Variants in LOC400499 observed in about 807,000 individuals in gnomAD.
the LOC400499 span, chr16:11,475,522 T>C: frequency 1.8e-3 from 732 of 396,400 alleles, 11 homozygotes; most frequent in African/African-American, 0.014. Flanking sequence ...ATATGAATAC[T>C]TTTAGGGCAG....
At chr16:11,402,311 C>T in the LOC400499 span, 4 of 396,934 alleles carry the variant, frequency 1.0e-5, no homozygotes, top group South Asian at 2.8e-4. Context: ...TTTCACAAAA[C>T]TCAGAAGCTA....
the LOC400499 span, among the ~76,000 whole-genome samples, chr16:11,407,776 C>G: frequency 6.6e-6 from 1 of 152,056 alleles, no homozygotes; most frequent in Non-Finnish European, 1.5e-5. Flanking sequence ...ACCACCCAAG[C>G]CTTCTAATCC....
chr16:11,425,398 C>T, the LOC400499 span: 14 of 399,192 alleles, frequency 3.5e-5, no homozygotes, highest in Non-Finnish European at 6.2e-5. Context: ...AGGAGGAAGC[C>T]CAGCACAGCT....
the LOC400499 span, chr16:11,431,148 G>A: frequency 1.5e-5 from 6 of 398,902 alleles, no homozygotes; most frequent in Non-Finnish European, 2.7e-5. Context: ...TCAGGATCCG[G>A]CCTCCCCTCC....
At chr16:11,386,956 A>C in the LOC400499 span, among the ~76,000 whole-genome samples, 8 of 152,178 alleles carry the variant, frequency 5.3e-5, no homozygotes, top group African/African-American at 1.9e-4. Flanking sequence ...CAAAAGCAGG[A>C]TGTGTACCCT....
chr16:11,443,651 A>G, the LOC400499 span, among the ~76,000 whole-genome samples: 4 of 152,174 alleles, frequency 2.6e-5, no homozygotes, highest in African/African-American at 7.2e-5. Context: ...ACAACGCTAC[A>G]TTGTAATCGT....
At chr16:11,392,904 T>A in the LOC400499 span, 554,048 of 649,562 alleles carry the variant, frequency 0.85, 239,649 homozygotes, top group Non-Finnish European at 0.89. Flanking sequence ...CCTAGGCTGG[T>A]GTGTGGTGAC....
At chr16:11,447,194 TCA>T in the LOC400499 span, among the ~76,000 whole-genome samples, 1 of 152,304 alleles carries the variant, frequency 6.6e-6, no homozygotes, top group East Asian at 1.9e-4. Context: ...GCATCTGGTG[TCA>T]CACAGACTGG....
chr16:11,391,773 C>A, the LOC400499 span: 2 of 1,232,258 alleles, frequency 1.6e-6, no homozygotes, highest in East Asian at 6.3e-5. Flanking sequence ...GGCTACTGCC[C>A]AACCACTCGC....
At chr16:11,491,383 G>C in the LOC400499 span, among the ~76,000 whole-genome samples, 2 of 152,116 alleles carry the variant, frequency 1.3e-5, no homozygotes, top group African/African-American at 2.4e-5. Flanking sequence ...ACTGTGTCGT[G>C]ATCTGGCCAG....
At chr16:11,447,850 C>A in the LOC400499 span, 1 of 1,442,680 alleles carries the variant, frequency 6.9e-7, no homozygotes, top group South Asian at 1.4e-5. Flanking sequence ...GTAGCTCTGC[C>A]CATCCTGTTC....
chr16:11,440,783 C>G, the LOC400499 span: 5 of 398,978 alleles, frequency 1.3e-5, no homozygotes, highest in Non-Finnish European at 2.2e-5. Context: ...TTGAATGTTC[C>G]TTGGGGACTC....
At chr16:11,517,346 A>G in the LOC400499 span, among the ~76,000 whole-genome samples, 2 of 152,166 alleles carry the variant, frequency 1.3e-5, no homozygotes, top group African/African-American at 4.8e-5. Context: ...CCCTGTGCAT[A>G]TAAAAAAATC....
chr16:11,377,234 C>T, the LOC400499 span, among the ~76,000 whole-genome samples: 1 of 152,194 alleles, frequency 6.6e-6, no homozygotes, highest in Non-Finnish European at 1.5e-5. Flanking sequence ...TTAGTTCTAA[C>T]AGTTGTTTTT....
chr16:11,394,618 T>C, the LOC400499 span, among the ~76,000 whole-genome samples: 1 of 152,238 alleles, frequency 6.6e-6, no homozygotes, highest in African/African-American at 2.4e-5. Context: ...AATAGGTTTT[T>C]TGCAAAAGTA....
chr16:11,414,520 G>C, the LOC400499 span: 2 of 399,804 alleles, frequency 5.0e-6, no homozygotes, highest in Admixed American at 4.4e-5. Context: ...TAGAGACAGA[G>C]AATGGCATGG....
chr16:11,431,799 C>G, the LOC400499 span, among the ~76,000 whole-genome samples: 1 of 152,238 alleles, frequency 6.6e-6, no homozygotes, highest in Non-Finnish European at 1.5e-5. Context: ...TACTCTCCTG[C>G]AAGGTGACTT....
the LOC400499 span, among the ~76,000 whole-genome samples, chr16:11,504,778 C>T: frequency 3.9e-5 from 6 of 152,082 alleles, no homozygotes; most frequent in African/African-American, 1.4e-4. Flanking sequence ...TAAAACTTAG[C>T]TGGGCATGGT....
chr16:11,385,295 C>T, the LOC400499 span: 2 of 1,232,304 alleles, frequency 1.6e-6, no homozygotes, highest in East Asian at 3.2e-5. Context: ...GACTCAGCGT[C>T]AGCGAGAATG....
Sources: gnomAD v4.1 joint callset for allele counts (sites outside exome capture counted in the v4.1 genomes callset) on GRCh38, gnomAD v4.1.1 for gene constraint, MANE v1.5 for transcripts.